EPHA3: variants seen among roughly 807,000 people sequenced by gnomAD.
EPHA3 encodes ephrin type-A receptor 3.
Under a neutral mutation model 107.1 loss-of-function variants are expected in EPHA3, and 42 were observed. The observed-to-expected ratio is 0.39, with a 90% CI of 0.31 to 0.51. The LOEUF (loss-of-function observed/expected upper bound fraction) is 0.51. Among genes scored for constraint, EPHA3 ranks in the 20% least tolerant of loss-of-function variants. EPHA3 has a pLI of 0.78. For missense variants in EPHA3, 1,183 were observed against 1,211.2 expected (o/e 0.98, Z 0.35); for synonymous variants, 461 against 424.8 (o/e 1.09, Z -1.05).
Position 89,107,778 on chromosome 3 carries a change from T to C in EPHA3, c.30T>C (p.Leu10=), listed in dbSNP as rs1194230707. ...ATTGTCAGCTCTCCATCCTCCTCCT[T>C]CTCAGCTGCTCTGTTCTCGACAGCT... MDCQLSILL[L]LSCSVLDSFG... Residue 10 remains leucine, a synonymous_variant, in exon 1 of 17, where the codon CTT becomes CTC. Transcript: ENST00000336596. 3 of 1,614,136 alleles carry C rather than the reference T, an allele frequency of 1.9e-6. No individual in the cohort carries two copies. Among genetic ancestry groups the C allele is most frequent in the African/African-American group, 2.7e-5 (2 of 75,052 alleles).
rs1709955642 is a variant in EPHA3 at position 89,450,070 on chromosome 3, A to G, written c.2497-107A>G. The stretch of plus-strand genomic sequence containing the variant: ...GCAACTAAAAATGAGAAGTTTTCCC[A>G]CTTACCTTTAAAATAAGCATATTTG... On this transcript the variant is annotated intron_variant, in intron 14 of 16. Transcript: ENST00000336596. 3 of 907,846 alleles carry G rather than the reference A, an allele frequency of 3.3e-6. No homozygotes were observed. In the South Asian group the frequency reaches 7.3e-5, roughly 22 times the overall value. The allele number at this position is 907,846 out of a possible 1,614,324, so 56.2% of individuals were successfully genotyped here.
At chr3:89,165,600 T>G (rs1705044269) in intron 2 of EPHA3, among the ~76,000 whole-genome samples, 1 of 152,216 alleles carries the variant, frequency 6.6e-6, no homozygotes, top group African/African-American at 2.4e-5. Flanking sequence ...AGTCTTATGT[T>G]AATTCTCTGC....
chr3:89,121,343 T>C (rs1338132523), intron 1 of EPHA3, among the ~76,000 whole-genome samples: 1 of 152,262 alleles, frequency 6.6e-6, no homozygotes, highest in Non-Finnish European at 1.5e-5. Flanking sequence ...AAAATGCTGC[T>C]AAATTTAACA....
At chr3:89,406,192 G>A (rs562422090) in intron 7 of EPHA3, among the ~76,000 whole-genome samples, 2 of 152,244 alleles carry the variant, frequency 1.3e-5, no homozygotes, top group East Asian at 3.9e-4. Context: ...GAGAGGAGAA[G>A]GTTATTTTAT....
intron 3 of EPHA3, among the ~76,000 whole-genome samples, chr3:89,302,580 T>C (rs1706516963): frequency 6.6e-6 from 1 of 152,146 alleles, no homozygotes; most frequent in Non-Finnish European, 1.5e-5. Flanking sequence ...GAATGAAGAA[T>C]ACCATATGGT....
intron 2 of EPHA3, among the ~76,000 whole-genome samples, chr3:89,163,878 T>A (rs1705002327): frequency 6.6e-6 from 1 of 152,164 alleles, no homozygotes; most frequent in Non-Finnish European, 1.5e-5. Flanking sequence ...TTGAGGTCAA[T>A]AAAACTGGTC....
intron 10 of EPHA3, among the ~76,000 whole-genome samples, chr3:89,415,227 A>G (rs1331254371): frequency 1.3e-5 from 2 of 151,342 alleles, no homozygotes; most frequent in African/African-American, 4.8e-5. Context: ...AAATAGTGTA[A>G]TAATAAATAA....
intron 1 of EPHA3, among the ~76,000 whole-genome samples, chr3:89,119,200 C>A (rs1480239354): frequency 6.6e-6 from 1 of 152,120 alleles, no homozygotes; most frequent in East Asian, 1.9e-4. Context: ...AACATAAATT[C>A]TTTACATTAC....
intron 2 of EPHA3, among the ~76,000 whole-genome samples, chr3:89,190,754 A>G (rs892490662): frequency 1.3e-5 from 2 of 152,192 alleles, no homozygotes; most frequent in African/African-American, 4.8e-5. Context: ...GTTGAGAAGT[A>G]TCTGTTTCAA....
At chr3:89,328,951 C>T (rs1329688464) in intron 3 of EPHA3, among the ~76,000 whole-genome samples, 1 of 152,084 alleles carries the variant, frequency 6.6e-6, no homozygotes, top group Non-Finnish European at 1.5e-5. Context: ...TCAAAGGCAA[C>T]AAAATGTGTG....
intron 2 of EPHA3, among the ~76,000 whole-genome samples, chr3:89,138,795 A>G (rs1704368169): frequency 6.6e-6 from 1 of 152,014 alleles, no homozygotes; most frequent in Admixed American, 6.6e-5. Context: ...AGGAAGGGCT[A>G]TTCTTAAAAA....
At chr3:89,390,493 G>A (rs1235517848) in intron 5 of EPHA3, among the ~76,000 whole-genome samples, 10 of 151,810 alleles carry the variant, frequency 6.6e-5, no homozygotes, top group East Asian at 2.0e-4. Context: ...CCAGCTACTC[G>A]GGAGGTTGAG....
intron 3 of EPHA3, among the ~76,000 whole-genome samples, chr3:89,233,615 G>GA (rs1704687368): frequency 6.6e-6 from 1 of 152,168 alleles, no homozygotes; most frequent in African/African-American, 2.4e-5. Context: ...AGGGGAGAGT[G>GA]AAAATTATAT....
chr3:89,121,195 CACT>C (rs1208517380), intron 1 of EPHA3, among the ~76,000 whole-genome samples: 1 of 151,998 alleles, frequency 6.6e-6, no homozygotes, highest in Non-Finnish European at 1.5e-5. Context: ...GAGATCGTGC[CACT>C]GCACTCCAGC....
chr3:89,377,240 C>T (rs576747981), intron 5 of EPHA3, among the ~76,000 whole-genome samples: 6 of 151,996 alleles, frequency 3.9e-5, no homozygotes, highest in Admixed American at 2.0e-4. Flanking sequence ...GAAGAGAATA[C>T]GAACATTATA....
intron 3 of EPHA3, among the ~76,000 whole-genome samples, chr3:89,255,266 C>A (rs1705257041): frequency 6.6e-6 from 1 of 152,058 alleles, no homozygotes; most frequent in South Asian, 2.1e-4. Flanking sequence ...AGCAATAGAC[C>A]TTTTTTTAAC....
rs2107421226 is a variant in EPHA3, at chr3:89,342,043, C to T, written c.1259C>T (p.Ser420Phe). The T allele has an allele frequency of 6.2e-7, 1 of 1,611,750 alleles. No homozygotes were observed. The highest frequency in any genetic ancestry group is 8.5e-7 in the Non-Finnish European group (1 of 1,179,562). The change falls in exon 5 of 17, where the codon TCC becomes TTC. Residue 420 changes from serine (S) to phenylalanine (F), a missense_variant. Coordinates refer to ENST00000336596, the MANE Select transcript of EPHA3 (RefSeq NM_005233.6). The part of the protein sequence containing the change: ...DAVNGVSELS[S>F]PPRQFAAVSI... The stretch of plus-strand genomic sequence containing the variant: ...GTTAATGGGGTGTCAGAGCTGAGCT[C>T]CCCACCAAGACAGTTTGCTGCGGTC...
intron 2 of EPHA3, among the ~76,000 whole-genome samples, chr3:89,198,741 C>G (rs567374064): frequency 6.6e-6 from 1 of 152,116 alleles, no homozygotes; most frequent in East Asian, 1.9e-4. Context: ...GGGAGTGCTC[C>G]GCAGGTATAT....
rs998809367 is a variant in EPHA3 at position 89,472,313 on chromosome 3, C to T, written c.2691-151C>T. 25 of 809,446 alleles carry T rather than the reference C, an allele frequency of 3.1e-5. No homozygotes were observed. The African/African-American group carries it at 4.0e-4, about 13-fold the overall frequency. The allele number at this position is 809,446 out of a possible 1,614,324, so 50.1% of individuals were successfully genotyped here. A position where few individuals can be genotyped will look rare whatever the true frequency, so the allele number is the denominator to read the frequency against. On this transcript the variant is annotated intron_variant, in intron 15 of 16. Transcript: ENST00000336596. ...CGTTCCTCCAAGCTGCCAGCTTGAACAGATGAAGCTTTCATGGCAGATAAA... is the reference window on the plus strand; with the variant it reads ...CGTTCCTCCAAGCTGCCAGCTTGAATAGATGAAGCTTTCATGGCAGATAAA...
Sources: gnomAD v4.1 joint callset for allele counts (sites outside exome capture counted in the v4.1 genomes callset) on GRCh38, gnomAD v4.1.1 for gene constraint, MANE v1.5 for transcripts, NCBI Gene and HGNC (gene_info 2026-07-23, HGNC 2026-07-21) for gene names.